Variants in ABCC4 observed in about 807,000 individuals in gnomAD.
ABCC4 encodes the protein ATP binding cassette subfamily C member 4 (PEL blood group).
A neutral mutation model predicts 168.5 loss-of-function variants in ABCC4; 102 were observed. The observed-to-expected ratio is 0.61, with a 90% confidence interval of 0.52 to 0.71. The LOEUF (loss-of-function observed/expected upper bound fraction) is 0.71. Among genes scored for constraint, ABCC4 ranks in the 30% least tolerant of loss-of-function variants. ABCC4 has a pLI of 0.00. For missense variants in ABCC4, 1,402 were observed against 1,605.8 expected, an observed-to-expected ratio of 0.87 and a Z score of 2.17; for synonymous variants, 617 against 590.7, an observed-to-expected ratio of 1.04 and a Z score of -0.65.
At position 95,152,565 on chromosome 13, in the gene ABCC4, C is replaced by G. The variant is rs114964455; in HGVS notation, c.2455+8624G>C. ...ACAAGGGTGGTAAATACGTAATTAC[C>G]TAAATTAGAATGTAACTATCATTTT... is the stretch of plus-strand genomic sequence containing the variant. On this transcript the variant is annotated intron_variant, in intron 19 of 30. Transcript: ENST00000645237. 2.6e-3 allele frequency among the ~76,000 whole-genome samples: 399 copies of G among 152,170 alleles called. 3 individuals carry two copies. Among genetic ancestry groups the G allele is most frequent in the African/African-American group, 9.1e-3 (376 of 41,504 alleles).
chr13:95,261,513 T>C (rs2040531397), intron 1 of ABCC4, among the ~76,000 whole-genome samples: 1 of 152,148 alleles, frequency 6.6e-6, no homozygotes, highest in Admixed American at 6.6e-5. Flanking sequence ...TATGAGCAGC[T>C]CTTCTTATCC....
intron 19 of ABCC4, among the ~76,000 whole-genome samples, chr13:95,145,606 AC>A (rs2036466252): frequency 7.3e-6 from 1 of 136,340 alleles, no homozygotes; most frequent in Admixed American, 7.6e-5. Flanking sequence ...AACAGAGGAG[AC>A]CCCATCTCCA....
intron 20 of ABCC4, among the ~76,000 whole-genome samples, chr13:95,113,273 C>T (rs1039882425): frequency 1.3e-5 from 2 of 152,180 alleles, no homozygotes; most frequent in African/African-American, 4.8e-5. Flanking sequence ...CCTTGCTTTG[C>T]TTTAATTCAG....
chr13:95,113,129 A>T (rs1002684403), intron 20 of ABCC4, among the ~76,000 whole-genome samples: 1 of 152,200 alleles, frequency 6.6e-6, no homozygotes, highest in African/African-American at 2.4e-5. Context: ...AATAAATTTT[A>T]AAAATGTATC....
chr13:95,293,801 G>C (rs2041461229), intron 1 of ABCC4, among the ~76,000 whole-genome samples: 1 of 136,266 alleles, frequency 7.3e-6, no homozygotes, highest in Admixed American at 7.6e-5. Flanking sequence ...TTTTTTTTGA[G>C]ACAGAGTCTC....
At chr13:95,283,106 C>T (rs111584565) in intron 1 of ABCC4, among the ~76,000 whole-genome samples, 1,766 of 151,350 alleles carry the variant, frequency 0.012, 34 homozygotes, top group African/African-American at 0.04. Context: ...GTCCCAGCTA[C>T]TTGGGAGGCT....
chr13:95,023,527 A>T (rs1362103873), intron 30 of ABCC4, among the ~76,000 whole-genome samples: 1 of 152,206 alleles, frequency 6.6e-6, no homozygotes, highest in Non-Finnish European at 1.5e-5. Flanking sequence ...TCCTGGATTC[A>T]CTGCTGATTC....
At chr13:95,201,301 G>A (rs2038617758) in intron 8 of ABCC4, among the ~76,000 whole-genome samples, 1 of 152,066 alleles carries the variant, frequency 6.6e-6, no homozygotes, top group African/African-American at 2.4e-5. Flanking sequence ...AAATCCTAAG[G>A]ATTTCTTCCC....
chr13:95,188,699 T>C (rs2038151058), intron 9 of ABCC4, among the ~76,000 whole-genome samples, 157 bp from the exon 10 acceptor site: 1 of 152,216 alleles, frequency 6.6e-6, no homozygotes, highest in Non-Finnish European at 1.5e-5. Flanking sequence ...GTCCTTTTCA[T>C]ACAATCATAT....
chr13:95,255,011 T>C (rs1177721318), intron 1 of ABCC4, among the ~76,000 whole-genome samples: 2 of 152,226 alleles, frequency 1.3e-5, no homozygotes, highest in African/African-American at 4.8e-5. Flanking sequence ...GAGTCCATGA[T>C]ATCAACTTCT....
rs2033791510 is a variant in ABCC4, at chr13:95,073,254, T to C, written c.2968A>G (p.Met990Val). The change falls in exon 24 of 31, where the codon ATG (methionine) becomes GTG (valine). Residue 990 changes from methionine (M) to valine (V), a missense_variant. Physicochemically the swap from Met to Val is conservative, Grantham distance 21. Transcript: ENST00000645237. ...GLALSYALTLMGMFQWCVRQS... is the reference protein window; with the variant it reads ...GLALSYALTLVGMFQWCVRQS... ...CGAACACACCACTGAAACATCCCCA[T>C]GAGCGTGAGGGCATAGGACAGTGCC... 2 of 1,613,880 alleles carry C rather than the reference T, an allele frequency of 1.2e-6. No homozygotes were observed. Among genetic ancestry groups the C allele is most frequent in the Non-Finnish European group, 1.7e-6 (2 of 1,179,956 alleles).
intron 29 of ABCC4, 120 bp from the exon 30 acceptor site, chr13:95,034,859 G>A (rs2032052491): frequency 7.1e-7 from 1 of 1,404,638 alleles, no homozygotes; most frequent in Non-Finnish European, 9.8e-7. Context: ...TGGTAGGCCT[G>A]GATAGTATTT....
chr13:95,141,653 A>G (rs566319016), intron 19 of ABCC4, among the ~76,000 whole-genome samples: 1 of 152,358 alleles, frequency 6.6e-6, no homozygotes, highest in East Asian at 1.9e-4. Context: ...AATGGTAAAA[A>G]TACCATAGTT....
chr13:95,061,782 T>G (rs2139285802), intron 26 of ABCC4, among the ~76,000 whole-genome samples: 1 of 152,046 alleles, frequency 6.6e-6, no homozygotes, highest in African/African-American at 2.4e-5. Context: ...TGAGGTCCGA[T>G]GGAAGCCATG....
intron 4 of ABCC4, among the ~76,000 whole-genome samples, chr13:95,218,488 T>G (rs1359670589): frequency 6.6e-6 from 1 of 152,214 alleles, no homozygotes; most frequent in Non-Finnish European, 1.5e-5. Context: ...TTTCACTGCC[T>G]TCTGAGGCTT....
intron 20 of ABCC4, among the ~76,000 whole-genome samples, chr13:95,091,070 T>C (rs2034418580): frequency 6.6e-6 from 1 of 152,168 alleles, no homozygotes; most frequent in Admixed American, 6.5e-5. Context: ...CAAGGTCTTC[T>C]AATTAACCCA....
chr13:95,024,434 A>G (rs191478934), intron 30 of ABCC4, among the ~76,000 whole-genome samples: 1 of 152,218 alleles, frequency 6.6e-6, no homozygotes, highest in East Asian at 1.9e-4. Flanking sequence ...CCTCTAATGT[A>G]GGTTGAAACT....
intron 13 of ABCC4, among the ~76,000 whole-genome samples, chr13:95,174,119 G>C (rs903418534): frequency 6.6e-6 from 1 of 152,206 alleles, no homozygotes; most frequent in Admixed American, 6.5e-5. Context: ...GAGAATTTGA[G>C]GCTTTCTAGA....
chr13:95,173,943 C>T (rs1594233660), intron 13 of ABCC4, among the ~76,000 whole-genome samples: 1 of 152,212 alleles, frequency 6.6e-6, no homozygotes, highest in Admixed American at 6.5e-5. Flanking sequence ...ACTGCTGGCG[C>T]CTTGATCTTG....
Sources: allele counts gnomAD v4.1 joint callset (sites outside exome capture counted in the v4.1 genomes callset), GRCh38; gene constraint gnomAD v4.1.1; transcripts MANE v1.5; gene names NCBI Gene and HGNC (gene_info 2026-07-23, HGNC 2026-07-21).